Variants in AGL observed in about 807,000 individuals in gnomAD.
AGL encodes glycogen debranching enzyme.
AGL carries 128 observed loss-of-function variants against 199.3 expected under a neutral mutation model. The observed-to-expected ratio is 0.64, with a 90% CI of 0.56 to 0.74. AGL has a LOEUF of 0.74. Ranked by LOEUF, AGL falls within the 30% of genes least tolerant of loss-of-function variation. AGL has a pLI of 0.00. For missense variants in AGL, 1,809 were observed against 1,820.8 expected (o/e 0.99, Z 0.12); for synonymous variants, 584 against 594.7 (o/e 0.98, Z 0.26).
chr1:99,882,686 A>AT (rs1009004262), intron 17 of AGL, among the ~76,000 whole-genome samples: 4 of 151,882 alleles, frequency 2.6e-5, no homozygotes, highest in Non-Finnish European at 4.4e-5. Flanking sequence ...ATATTACTTG[A>AT]TTTTTTTCTG....
At chr1:99,881,814 G>A (rs1356644170) in intron 17 of AGL, 123 bp downstream of exon 17, 30 of 970,544 alleles carry the variant, frequency 3.1e-5, no homozygotes, top group Middle Eastern at 3.5e-4. Flanking sequence ...TACTGTGGAC[G>A]TACTTGAGAA....
intron 2 of AGL, among the ~76,000 whole-genome samples, chr1:99,860,880 CT>C (rs1365068557): frequency 6.6e-6 from 1 of 152,196 alleles, no homozygotes; most frequent in Non-Finnish European, 1.5e-5. Flanking sequence ...TCCCACCACC[CT>C]AGTCAGTTGC....
chr1:99,849,663 G>A (rs1299057980), upstream of AGL, among the ~76,000 whole-genome samples: 1 of 152,154 alleles, frequency 6.6e-6, no homozygotes, highest in African/African-American at 2.4e-5. Flanking sequence ...GACACGTGTT[G>A]GCTGGAATGT....
intron 7 of AGL, 192 bp from the exon 8 acceptor site, chr1:99,874,495 T>G (rs1651323030): frequency 6.9e-6 from 4 of 580,086 alleles, no homozygotes; most frequent in East Asian, 5.9e-5. Context: ...TCGTGTGTGT[T>G]TGCGCGTGCA....
intron 7 of AGL, among the ~76,000 whole-genome samples, chr1:99,872,671 T>G (rs2101119353): frequency 6.6e-6 from 1 of 151,916 alleles, no homozygotes; most frequent in South Asian, 2.1e-4. Context: ...TGAAACTACA[T>G]GCATGCACCA....
chr1:99,874,095 T>C (rs1651265494), intron 7 of AGL, among the ~76,000 whole-genome samples: 1 of 152,096 alleles, frequency 6.6e-6, no homozygotes, highest in South Asian at 2.1e-4. Context: ...AAAAAAAGTA[T>C]TAAACCTGTG....
intron 33 of AGL, 44 bp from the exon 34 acceptor site, chr1:99,921,490 T>C (rs2100901132): frequency 1.4e-6 from 2 of 1,393,008 alleles, no homozygotes; most frequent in Non-Finnish European, 2.0e-6. Flanking sequence ...TTTGTTAATA[T>C]GAATTAAATT....
chr1:99,916,716 A>G lies in AGL; in HGVS notation c.4466A>G (p.Tyr1489Cys). ...GTTAAAAATGTTCTTTCCCGACATT[A>G]TGTTCATCTTGAGAGGTAAGTCATC... The part of the protein sequence containing the change: ...VLVKNVLSRH[Y>C]VHLERSPWKG... The change falls in exon 33 of 34, where the codon TAT becomes TGT. Residue 1489 changes from tyrosine (Y) to cysteine (C), a missense_variant. Coordinates refer to ENST00000361915, the MANE Select transcript of AGL (RefSeq NM_000642.3). The G allele has an allele frequency of 6.2e-7, 1 of 1,613,286 alleles. No homozygotes were observed.
rs1653947447 is a variant in AGL, at chr1:99,902,793, A to T, written c.3699A>T (p.Glu1233Asp). Residue 1233 changes from glutamate (E) to aspartate (D), a missense_variant and splice_region_variant, in exon 27 of 34, where the codon GAA (glutamate) becomes GAT (aspartate). Physicochemically the swap from Glu to Asp is conservative, Grantham distance 45. Coordinates refer to ENST00000361915, the MANE Select transcript of AGL (RefSeq NM_000642.3). Reference protein sequence around the residue: ...GPQIDRNMKDEGFNITAGVDE... With the variant: ...GPQIDRNMKDDGFNITAGVDE... ...AGATAGATCGAAACATGAAGGACGA[A>T]GGTACAGAACTTTAACTAAAATAGT... is the stretch of plus-strand genomic sequence containing the variant. 1.2e-6 allele frequency: 2 copies of T among 1,608,412 alleles called. No homozygotes were observed. Among genetic ancestry groups the T allele is most frequent in the South Asian group, 2.2e-5 (2 of 90,966 alleles).
intron 28 of AGL, 92 bp from the exon 29 acceptor site, chr1:99,912,311 TTA>T: frequency 1.1e-6 from 1 of 891,722 alleles, no homozygotes; most frequent in Admixed American, 2.2e-5. Context: ...TCATAATATG[TTA>T]TATGATTCAT....
Position 99,874,732 on chromosome 1 carries a change from T to TGA in AGL, c.1004_1005insGA (p.Ile335MetfsTer15). ...TCTGATCCAAACCAACACCTTACGA[T>TGA]TATTCAAGATCCTGAATACAGACGG... On this transcript the variant is annotated frameshift_variant, in exon 8 of 34. Coordinates refer to ENST00000361915, the MANE Select transcript of AGL (RefSeq NM_000642.3). LOFTEE classifies it high-confidence loss of function. 2 of 1,600,298 alleles carry TGA rather than the reference T, an allele frequency of 1.2e-6. No homozygotes were observed. The highest frequency in any genetic ancestry group is 1.7e-6 in the Non-Finnish European group (2 of 1,171,694).
rs1245735298 is a variant in AGL at position 99,913,675 on chromosome 1, T to C, written c.4098T>C (p.Tyr1366=). 9.3e-6 allele frequency: 15 copies of C among 1,614,032 alleles called. 1 individual carries two copies. The highest frequency in any genetic ancestry group is 2.2e-5 in the South Asian group (2 of 91,086). The change falls in exon 30 of 34, where the codon TAT becomes TAC. Residue 1366 remains tyrosine, a synonymous_variant. Coordinates refer to ENST00000361915, the MANE Select transcript of AGL (RefSeq NM_000642.3). ...AACGTGGCATATACAAAGATAGTTA[T>C]GGAGCTTCAAGTCCTTGGTGTGACT... is the stretch of plus-strand genomic sequence containing the variant. ...VHKRGIYKDS[Y]GASSPWCDYQ... is the part of the protein sequence containing the mutation.
intron 25 of AGL, among the ~76,000 whole-genome samples, chr1:99,898,428 A>G (rs2100810672): frequency 6.6e-6 from 1 of 152,312 alleles, no homozygotes; most frequent in African/African-American, 2.4e-5. Context: ...TGTCCCACAA[A>G]GCCTAAAATA....
At chr1:99,888,253 C>G in intron 21 of AGL, 145 bp downstream of exon 21, 1 of 998,790 alleles carries the variant, frequency 1.0e-6, no homozygotes, top group Non-Finnish European at 1.5e-6. Flanking sequence ...TGACCTTTGG[C>G]AAGTAATATA....
intron 7 of AGL, among the ~76,000 whole-genome samples, chr1:99,871,175 G>T (rs572384815): frequency 3.3e-5 from 5 of 152,230 alleles, no homozygotes; most frequent in African/African-American, 9.6e-5. Context: ...GAAGTAGGTT[G>T]AACAGGTTAT....
intron 28 of AGL, 91 bp from the exon 29 acceptor site, chr1:99,912,314 T>C (rs1654803251): frequency 7.7e-6 from 7 of 907,244 alleles, no homozygotes; most frequent in Non-Finnish European, 1.2e-5. Context: ...TAATATGTTA[T>C]ATGATTCATT....
chr1:99,909,098 G>T lies in AGL; in HGVS notation c.3701-1614G>T, dbSNP rs1570500987. 3.9e-5 allele frequency among the ~76,000 whole-genome samples: 6 copies of T among 152,154 alleles called. No individual in the cohort carries two copies. The South Asian group carries it at 1.2e-3, about 32-fold the overall frequency. On this transcript the variant is annotated intron_variant, in intron 27 of 33. Coordinates refer to ENST00000361915, the MANE Select transcript of AGL (RefSeq NM_000642.3). ...GTGAGGGGCACCCCATCACTGCTGG[G>T]CAGGGCATGGAAATCCGGACTCTCC...
At position 99,875,210 on chromosome 1, in the gene AGL, A is replaced by G. The variant is rs1045745115; in HGVS notation, c.1139A>G (p.Glu380Gly). Residue 380 changes from glutamate (E) to glycine (G), a missense_variant, in exon 9 of 34, where the codon GAA becomes GGA. Coordinates refer to ENST00000361915, the MANE Select transcript of AGL (RefSeq NM_000642.3). ...AATTGGTTTCATAAAAGAATGGAGG[A>G]ATTAAATTCAGAGAAGCATCGACTC... ...CCNWFHKRMEELNSEKHRLIN... is the reference protein window; with the variant it reads ...CCNWFHKRMEGLNSEKHRLIN... The G allele has an allele frequency of 5.0e-6, 8 of 1,614,166 alleles. No homozygotes were observed. The highest frequency in any genetic ancestry group is 6.8e-6 in the Non-Finnish European group (8 of 1,180,000).
chr1:99,852,839 C>A (rs1417972593), intron 2 of AGL: 2 of 715,918 alleles, frequency 2.8e-6, no homozygotes, highest in Non-Finnish European at 5.1e-6. Context: ...TGTATTCCCA[C>A]CCTGGACCTT....
Sources: gnomAD v4.1 joint callset for allele counts (sites outside exome capture counted in the v4.1 genomes callset) on GRCh38, gnomAD v4.1.1 for gene constraint, MANE v1.5 for transcripts, NCBI Gene and HGNC (gene_info 2026-07-23, HGNC 2026-07-21) for gene names.